Variants in CRY2 observed in about 807,000 individuals in gnomAD.
CRY2 encodes the protein cryptochrome-2.
Under a neutral mutation model 69.5 loss-of-function variants are expected in CRY2, and 31 were observed. The observed-to-expected ratio is 0.45, with a 90% confidence interval of 0.34 to 0.60. The LOEUF (loss-of-function observed/expected upper bound fraction) is 0.60, where lower values mean the gene tolerates loss of function less well. Ranked by LOEUF, CRY2 falls within the 20% of genes least tolerant of loss-of-function variation. CRY2 has a pLI of 0.02. For missense variants in CRY2, 606 were observed against 797.8 expected, an observed-to-expected ratio of 0.76 and a Z score of 2.90; for synonymous variants, 303 against 312.2, an observed-to-expected ratio of 0.97 and a Z score of 0.31.
chr11:45,862,748 C>T (rs2086298227), intron 5 of CRY2, among the ~76,000 whole-genome samples: 1 of 152,162 alleles, frequency 6.6e-6, no homozygotes, highest in Non-Finnish European at 1.5e-5. Flanking sequence ...GGAACTCTTT[C>T]AGCGTGTTGA....
chr11:45,847,463 G>A (rs374932238), upstream of CRY2: 2 of 1,596,402 alleles, frequency 1.3e-6, no homozygotes, highest in Non-Finnish European at 1.7e-6. Flanking sequence ...GGGGCGGAGC[G>A]GGGGTGGCTG....
rs1301155975 is a variant in CRY2, at chr11:45,878,384, G to A, written c.*3-2530G>A. 2.6e-5 allele frequency among the ~76,000 whole-genome samples: 4 copies of A among 152,202 alleles called. 1 individual carries two copies. Among genetic ancestry groups the A allele is most frequent in the Admixed American group, 2.6e-4 (4 of 15,290 alleles). On this transcript the variant is annotated intron_variant, in intron 11 of 11. Coordinates refer to ENST00000616080, the MANE Select transcript of CRY2 (RefSeq NM_021117.5). ...CAAAAAAAATGGAGGTGTTGGGCAA[G>A]GAGGACCTTTTGTGGTATATCCTGC...
chr11:45,858,996 C>G, intron 3 of CRY2, 123 bp downstream of exon 3: 4 of 1,230,808 alleles, frequency 3.2e-6, no homozygotes, highest in Non-Finnish European at 1.1e-6. Context: ...ATGGCATCTT[C>G]TAGAAGCTGG....
chr11:45,847,191 C>T, upstream of CRY2: 1 of 1,549,512 alleles, frequency 6.5e-7, no homozygotes. Context: ...TGGCCTACTC[C>T]CGGCACTCCG....
Position 45,847,510 on chromosome 11 carries a change from C to T in CRY2, c.20C>T (p.Thr7Met), listed in dbSNP as rs756240790. The T allele has an allele frequency of 2.8e-5, 45 of 1,592,534 alleles. No homozygotes were observed. Among genetic ancestry groups the T allele is most frequent in the African/African-American group, 5.3e-5 (4 of 74,776 alleles). Residue 7 changes from threonine to methionine, a missense_variant, in exon 1 of 12, where the codon ACG (threonine) becomes ATG (methionine). Coordinates refer to ENST00000616080, the MANE Select transcript of CRY2 (RefSeq NM_021117.5). MAATVA[T>M]AAAVAPAPAP... ...ACAGTCATGGCGGCGACTGTGGCGA[C>T]GGCGGCAGCTGTGGCCCCGGCGCCA...
chr11:45,882,603 G>T lies in CRY2; in HGVS notation c.*1692G>T. On this transcript the variant is annotated 3_prime_UTR_variant, in exon 12 of 12. Coordinates refer to ENST00000616080, the MANE Select transcript of CRY2 (RefSeq NM_021117.5). ...TGTTGTACGTATGTCACCTTCACTA[G>T]AAATGTCCCATCATCGTGGGAGGGG... 1 of 399,134 alleles carries T rather than the reference G, an allele frequency of 2.5e-6. No individual in the cohort carries two copies. The highest frequency in any genetic ancestry group is 3.6e-5 in the East Asian group (1 of 28,078). 24.7% of individuals were successfully genotyped at this position (399,134 alleles called of 1,614,324 possible).
At chr11:45,849,383 C>T (rs1453363318) in intron 1 of CRY2, among the ~76,000 whole-genome samples, 1 of 152,076 alleles carries the variant, frequency 6.6e-6, no homozygotes, top group Non-Finnish European at 1.5e-5. Flanking sequence ...CTAATATCTG[C>T]CAGGTACTGC....
At chr11:45,880,258 A>G (rs1034306841) in intron 11 of CRY2, among the ~76,000 whole-genome samples, 2 of 152,084 alleles carry the variant, frequency 1.3e-5, no homozygotes, top group Admixed American at 6.5e-5. Context: ...TAAACAGACA[A>G]CTCAGCATTG....
intron 6 of CRY2, among the ~76,000 whole-genome samples, chr11:45,868,416 C>A (rs533550058): frequency 1.2e-4 from 18 of 152,312 alleles, no homozygotes; most frequent in African/African-American, 3.6e-4. Flanking sequence ...GGCCTGATCA[C>A]AGCTCACTGA....
chr11:45,867,482 C>A (rs1013317485), intron 5 of CRY2, 130 bp from the exon 6 acceptor site: 3 of 1,201,516 alleles, frequency 2.5e-6, no homozygotes, highest in Middle Eastern at 2.0e-4. Context: ...GCTGGACAAG[C>A]ACAGTGTTCC....
Position 45,858,798 on chromosome 11 carries a change from C to G in CRY2, c.392C>G (p.Ala131Gly). The change falls in exon 3 of 12, where the codon GCC becomes GGC. Residue 131 changes from alanine (A) to glycine (G), a missense_variant. Physicochemically the swap from Ala to Gly is moderately conservative, Grantham distance 60. Transcript: ENST00000616080. The stretch of plus-strand genomic sequence containing the variant: ...CCCTTTGGGAAAGAACGGGATGCAG[C>G]CATCATGAAGATGGCCAAGGAGGCT... ...SEPFGKERDAAIMKMAKEAGV... is the reference protein window; with the variant it reads ...SEPFGKERDAGIMKMAKEAGV... 1 of 1,614,154 alleles carries G rather than the reference C, an allele frequency of 6.2e-7. No individual in the cohort carries two copies.
intron 9 of CRY2, 46 bp downstream of exon 9, chr11:45,870,578 A>C (rs376611002): frequency 6.2e-7 from 1 of 1,601,544 alleles, no homozygotes; most frequent in Non-Finnish European, 8.5e-7. Flanking sequence ...GACAGCACCT[A>C]CAGGCTCAGG....
In CRY2 at chr11:45,867,605, G is replaced by A. The variant is rs2086341329; in HGVS notation, c.742-7G>A. 6.2e-7 allele frequency: 1 copy of A among 1,614,000 alleles called. No homozygotes were observed. Among genetic ancestry groups the A allele is most frequent in the Non-Finnish European group, 8.5e-7 (1 of 1,179,942 alleles). ...TTTCCTTTTGCCACCTTCTCTTTCT[G>A]CTGTAGGCCTGGGTTGCCAACTATG... On this transcript the variant is annotated splice_polypyrimidine_tract_variant and splice_region_variant and intron_variant, in intron 5 of 11. Transcript: ENST00000616080.
At chr11:45,874,068 G>C (rs914040826) in intron 11 of CRY2, among the ~76,000 whole-genome samples, 4 of 152,074 alleles carry the variant, frequency 2.6e-5, no homozygotes, top group African/African-American at 9.7e-5. Flanking sequence ...GATCACCTGA[G>C]GTTGGGGGTT....
At chr11:45,880,277 G>A (rs952025493) in intron 11 of CRY2, among the ~76,000 whole-genome samples, 1 of 152,138 alleles carries the variant, frequency 6.6e-6, no homozygotes, top group Non-Finnish European at 1.5e-5. Context: ...TGTGACAGGC[G>A]CACTCTGTCC....
At chr11:45,865,126 A>T (rs538768957) in intron 5 of CRY2, among the ~76,000 whole-genome samples, 25 of 152,330 alleles carry the variant, frequency 1.6e-4, no homozygotes, top group Admixed American at 8.5e-4. Flanking sequence ...TTGGGTAAAA[A>T]AAAAAAAGCT....
intron 11 of CRY2, among the ~76,000 whole-genome samples, chr11:45,878,105 A>G (rs1056968257): frequency 3.3e-5 from 5 of 152,192 alleles, no homozygotes; most frequent in Non-Finnish European, 7.3e-5. Context: ...AAGCTTAGGC[A>G]TTGGTTCTTA....
chr11:45,860,429 G>T (rs2086278494), intron 3 of CRY2, among the ~76,000 whole-genome samples: 1 of 144,470 alleles, frequency 6.9e-6, no homozygotes. Context: ...TCTTATCAAA[G>T]AACTTTCTCC....
chr11:45,855,100 C>T (rs559916692), intron 1 of CRY2, among the ~76,000 whole-genome samples: 33 of 152,252 alleles, frequency 2.2e-4, no homozygotes, highest in Admixed American at 1.3e-3. Context: ...ATGTCCTTTC[C>T]CTTTCCCCTG....
Sources: allele counts gnomAD v4.1 joint callset (sites outside exome capture counted in the v4.1 genomes callset), GRCh38; gene constraint gnomAD v4.1.1; transcripts MANE v1.5; gene names NCBI Gene and HGNC (gene_info 2026-07-23, HGNC 2026-07-21).